The following IQSEC1 variants were observed in gnomAD, a reference collection of about 807,000 sequenced individuals.
IQSEC1 encodes the protein IQ motif and SEC7 domain-containing protein 1.
IQSEC1 carries 31 observed loss-of-function variants against 91.0 expected under a neutral mutation model. The ratio of observed to expected loss-of-function variants is 0.34; its 90% CI spans 0.26 to 0.46. The LOEUF is 0.46. Among genes scored for constraint, IQSEC1 ranks in the 20% least tolerant of loss-of-function variants. The pLI, the probability that IQSEC1 is intolerant of heterozygous loss-of-function variation, is 1.00. For synonymous variants in IQSEC1, 699 were observed against 662.6 expected (o/e 1.05, Z -0.84); for missense variants, 1,388 against 1,575.6 (o/e 0.88, Z 2.02).
Position 12,899,277 on chromosome 3 carries a change from C to T in IQSEC1, c.*1706G>A. On this transcript the variant is annotated 3_prime_UTR_variant, in exon 14 of 14. Coordinates refer to ENST00000613206, the MANE Select transcript of IQSEC1 (RefSeq NM_001134382.3). ...TGCCGTCCGGCCACGGCTCACCACG[C>T]TGTCCACTGGGAACGCGGCCCCGCG... 1 of 1,210,932 alleles carries T rather than the reference C, an allele frequency of 8.3e-7. No homozygotes were observed. The highest frequency in any genetic ancestry group is 1.2e-6 in the Non-Finnish European group (1 of 847,758). The allele number at this position is 1,210,932 out of a possible 1,614,324, so 75.0% of individuals were successfully genotyped here. A position where few individuals can be genotyped will look rare whatever the true frequency, so the allele number is the denominator to read the frequency against.
intron 1 of IQSEC1, among the ~76,000 whole-genome samples, chr3:13,239,628 C>T (rs948572912): frequency 2.0e-5 from 3 of 152,246 alleles, no homozygotes; most frequent in African/African-American, 7.2e-5. Flanking sequence ...GGAGGCCCCC[C>T]AAGCAGCACC....
intron 1 of IQSEC1, among the ~76,000 whole-genome samples, chr3:12,987,388 G>A (rs1036523425): frequency 6.6e-6 from 1 of 152,270 alleles, no homozygotes; most frequent in African/African-American, 2.4e-5. Flanking sequence ...GGCCACCTGG[G>A]AATGGGTATA....
At chr3:13,190,563 A>ACAAAAAAAAG (rs1694006166) in intron 1 of IQSEC1, among the ~76,000 whole-genome samples, 1 of 150,372 alleles carries the variant, frequency 6.7e-6, no homozygotes, top group South Asian at 2.1e-4. Flanking sequence ...CTCAAAAAAA[A>ACAAAAAAAAG]AAAACAGATA....
At chr3:13,233,901 C>T (rs950813975) in intron 1 of IQSEC1, among the ~76,000 whole-genome samples, 2 of 152,128 alleles carry the variant, frequency 1.3e-5, no homozygotes, top group Non-Finnish European at 2.9e-5. Flanking sequence ...GTACCCAGAA[C>T]CCCCAAAAAG....
At chr3:13,272,907 A>G (rs1695613160) in intron 1 of IQSEC1, among the ~76,000 whole-genome samples, 1 of 152,232 alleles carries the variant, frequency 6.6e-6, no homozygotes, top group South Asian at 2.1e-4. Flanking sequence ...TATGCAGAGA[A>G]GTGGGTAGAT....
chr3:13,198,007 T>C (rs1340925455), intron 1 of IQSEC1, among the ~76,000 whole-genome samples: 3 of 152,206 alleles, frequency 2.0e-5, no homozygotes, highest in African/African-American at 7.2e-5. Context: ...GAGAGGACTA[T>C]GCCCTGTGGC....
intron 1 of IQSEC1, among the ~76,000 whole-genome samples, chr3:13,190,603 A>G (rs1694007095): frequency 6.6e-6 from 1 of 151,332 alleles, no homozygotes; most frequent in South Asian, 2.1e-4. Flanking sequence ...CTGTAACACA[A>G]ACTACTCTTC....
At position 12,899,471 on chromosome 3, in the gene IQSEC1, C is replaced by T. The variant is rs1693999960; in HGVS notation, c.*1512G>A. 1.2e-6 allele frequency: 2 copies of T among 1,600,194 alleles called. No individual in the cohort carries two copies. Among genetic ancestry groups the T allele is most frequent in the Non-Finnish European group, 8.5e-7 (1 of 1,173,868 alleles). On this transcript the variant is annotated 3_prime_UTR_variant, in exon 14 of 14. Coordinates refer to ENST00000613206, the MANE Select transcript of IQSEC1 (RefSeq NM_001134382.3). Reference sequence around the variant, plus strand: ...GGCCCGTGGGTGACTCGGGCACAGACCTGCCGCGTGCAGGTCTGGCCCTGG... The same window carrying T: ...GGCCCGTGGGTGACTCGGGCACAGATCTGCCGCGTGCAGGTCTGGCCCTGG...
chr3:12,990,833 T>C (rs918609038), intron 1 of IQSEC1, among the ~76,000 whole-genome samples: 3 of 152,172 alleles, frequency 2.0e-5, no homozygotes, highest in African/African-American at 4.8e-5. Flanking sequence ...AAGGGAATGA[T>C]AGGTTTGTGG....
rs987845746 is a variant in IQSEC1, at chr3:13,163,697, C to T, written c.302+407G>A. On this transcript the variant is annotated intron_variant, in intron 2 of 15. Transcript: ENST00000648114. ...TGCATTGTTAGAGGCTGGTTAGAGCCGGGCCCACCACCAAGCATCTTAGAC... is the reference window on the plus strand; with the variant it reads ...TGCATTGTTAGAGGCTGGTTAGAGCTGGGCCCACCACCAAGCATCTTAGAC... Among the ~76,000 whole-genome samples the T allele has an allele frequency of 4.6e-5, 7 of 152,160 alleles. No homozygotes were observed. The East Asian group carries it at 7.7e-4, about 17-fold the overall frequency.
chr3:12,987,100 G>C, intron 1 of IQSEC1: 1 of 339,770 alleles, frequency 2.9e-6, no homozygotes, highest in South Asian at 2.1e-5. Flanking sequence ...TGCGGCCAGT[G>C]CGGGTCATAA....
chr3:13,257,136 G>A (rs1695302829), intron 1 of IQSEC1, among the ~76,000 whole-genome samples: 1 of 152,170 alleles, frequency 6.6e-6, no homozygotes, highest in African/African-American at 2.4e-5. Flanking sequence ...GGGTCAGGGA[G>A]GGCAGCACTT....
At chr3:12,928,632 CT>C (rs1697372963) in intron 3 of IQSEC1, among the ~76,000 whole-genome samples, 1 of 152,228 alleles carries the variant, frequency 6.6e-6, no homozygotes, top group Non-Finnish European at 1.5e-5. Flanking sequence ...TAATGAAGCC[CT>C]TCCTTCCCCA....
chr3:12,900,073 T>TGCTACTGTA lies in IQSEC1; in HGVS notation c.*901_*909dup, dbSNP rs143545409. ...CAGCTTGTAACCAGCTGTCCTGAGTTGCTACTGTAGAGTGTACTGCAGTTT... is the reference window on the plus strand; with the variant it reads ...CAGCTTGTAACCAGCTGTCCTGAGTTGCTACTGTAGCTACTGTAGAGTGTACTGCAGTTT... On this transcript the variant is annotated 3_prime_UTR_variant, in exon 14 of 14. Coordinates refer to ENST00000613206, the MANE Select transcript of IQSEC1 (RefSeq NM_001134382.3). 5.2e-5 allele frequency: 51 copies of TGCTACTGTA among 985,162 alleles called. No homozygotes were observed. In the African/African-American group the frequency reaches 8.4e-4, roughly 16 times the overall value. 61.0% of individuals were successfully genotyped at this position (985,162 alleles called of 1,614,324 possible).
intron 2 of IQSEC1, among the ~76,000 whole-genome samples, chr3:13,091,459 C>A (rs575586606): frequency 6.6e-6 from 1 of 152,214 alleles, no homozygotes; most frequent in Non-Finnish European, 1.5e-5. Context: ...TGTTGCTGGG[C>A]CTTTGACTTG....
intron 1 of IQSEC1, among the ~76,000 whole-genome samples, chr3:12,961,146 T>C (rs1434554854): frequency 6.6e-6 from 1 of 152,198 alleles, no homozygotes; most frequent in Non-Finnish European, 1.5e-5. Flanking sequence ...TGGGCCTTAT[T>C]AGGCTCCAGA....
intron 2 of IQSEC1, among the ~76,000 whole-genome samples, chr3:12,939,491 G>A (rs1698553074): frequency 1.3e-5 from 2 of 152,210 alleles, no homozygotes; most frequent in Admixed American, 1.3e-4. Flanking sequence ...TGGACTCTGT[G>A]TTATCCAGAC....
In IQSEC1 at chr3:12,909,215, A is replaced by ACTT; in HGVS notation, c.2578+57_2578+58insAAG. On this transcript the variant is annotated intron_variant, in intron 11 of 13. Coordinates refer to ENST00000613206, the MANE Select transcript of IQSEC1 (RefSeq NM_001134382.3). The surrounding 1 kb of genome is among the most constrained non-coding windows in gnomAD (Gnocchi z 4.9). The stretch of plus-strand genomic sequence containing the variant: ...CAGAAGTCACTGCCCTGACATGGGG[A>ACTT]GGCAAGTGCCAGAGTCTGGCAAGTC... 1 of 1,564,896 alleles carries ACTT rather than the reference A, an allele frequency of 6.4e-7. No homozygotes were observed. Among genetic ancestry groups the ACTT allele is most frequent in the Non-Finnish European group, 8.8e-7 (1 of 1,141,300 alleles).
rs141760202 is a variant in IQSEC1, at chr3:13,240,950, C to T, written c.272+41761G>A. On this transcript the variant is annotated intron_variant, in intron 1 of 15. Coordinates refer to the IQSEC1 transcript ENST00000648114. ...GTTCTTGGAAAAAAACAGAAGTCTT[C>T]TTCCTTCTCCTAAGTGATCAACTTC... is the stretch of plus-strand genomic sequence containing the variant. Among the ~76,000 whole-genome samples the T allele has an allele frequency of 8.5e-5, 13 of 152,314 alleles. 1 individual carries two copies. Among genetic ancestry groups the T allele is most frequent in the Middle Eastern group, 3.4e-3 (1 of 294 alleles).
Sources: gnomAD v4.1 joint callset for allele counts (sites outside exome capture counted in the v4.1 genomes callset) on GRCh38, gnomAD v4.1.1 for gene constraint, Gnocchi (gnomAD v3.1) non-coding constraint, MANE v1.5 for transcripts, NCBI Gene and HGNC (gene_info 2026-07-23, HGNC 2026-07-21) for gene names.